Variants in OR51B5 observed in about 807,000 individuals in gnomAD.
OR51B5 encodes the protein olfactory receptor 51B5.
For synonymous variants in OR51B5, 186 were observed against 144.8 expected, an observed-to-expected ratio of 1.28 and a Z score of -2.04; for missense variants, 456 against 374.6, an observed-to-expected ratio of 1.22 and a Z score of -1.79.
chr11:5,422,744 C>A (rs764449533), intron 1 of OR51B5: 1 of 1,613,968 alleles, frequency 6.2e-7, no homozygotes, highest in African/African-American at 1.3e-5. Context: ...CTCCTATTGC[C>A]TCCACCAGGA....
rs745362841 is a variant in OR51B5 at position 5,343,045 on chromosome 11, G to A, written c.480C>T (p.Pro160=). 7 of 1,613,512 alleles carry A rather than the reference G, an allele frequency of 4.3e-6. No individual in the cohort carries two copies. The South Asian group carries it at 5.5e-5, about 13-fold the overall frequency. Residue 160 remains proline, a synonymous_variant, in exon 1 of 1, where the codon CCC becomes CCT. Transcript: ENST00000300773. ...AGTGACAATACAGAAAAAAATAGAG[G>A]GGCCTGATTGGGGGAACAACGGATA...
At chr11:5,461,053 C>T (rs7943179) in intron 1 of OR51B5, among the ~76,000 whole-genome samples, 3,728 of 152,216 alleles carry the variant, frequency 0.024, 126 homozygotes, top group African/African-American at 0.079. Context: ...GATTGCCCTA[C>T]GGCATGGTGG....
chr11:5,342,574 G>C, downstream of OR51B5: 3 of 1,560,852 alleles, frequency 1.9e-6, no homozygotes, highest in Non-Finnish European at 2.6e-6. Context: ...GAGTGACTGT[G>C]ATGATTGGAG....
At chr11:5,357,488 G>C (rs1431484842) in intron 1 of OR51B5, among the ~76,000 whole-genome samples, 2 of 152,100 alleles carry the variant, frequency 1.3e-5, no homozygotes, top group Non-Finnish European at 2.9e-5. Context: ...AGTCCTTAGA[G>C]ACCTACAAAG....
intron 1 of OR51B5, among the ~76,000 whole-genome samples, chr11:5,368,620 C>T (rs1252167890): frequency 1.4e-5 from 2 of 139,492 alleles, no homozygotes; most frequent in Non-Finnish European, 3.2e-5. Context: ...GATATTCTAA[C>T]ATAAAGACTT....
intron 1 of OR51B5, among the ~76,000 whole-genome samples, chr11:5,380,277 G>C (rs1281234587): frequency 6.6e-6 from 1 of 152,192 alleles, no homozygotes; most frequent in Admixed American, 6.5e-5. Context: ...ACAGATGCAG[G>C]TGTCCAGGGA....
At chr11:5,357,177 G>A (rs372293763) in intron 1 of OR51B5, among the ~76,000 whole-genome samples, 10 of 151,960 alleles carry the variant, frequency 6.6e-5, no homozygotes, top group African/African-American at 1.9e-4. Context: ...AGACACAGAC[G>A]GGCAAATTAG....
chr11:5,418,400 T>TAAA (rs1675398281), intron 1 of OR51B5, among the ~76,000 whole-genome samples: 2 of 145,534 alleles, frequency 1.4e-5, no homozygotes, highest in African/African-American at 4.9e-5. Context: ...AAACTTAAAG[T>TAAA]ATAATAATAA....
Position 5,505,629 on chromosome 11 carries a change from T to G in OR51B5, n.24A>C, listed in dbSNP as rs116552913. ...CCAGGAGAAGCAAGTCACATCCTAC[T>G]GGAATGGCAGCAGGCAAAAAGAGAG... On this transcript the variant is annotated non_coding_transcript_exon_variant, in exon 1 of 5. Coordinates refer to the OR51B5 transcript ENST00000415970. 4,396 of 454,874 alleles carry G rather than the reference T, an allele frequency of 9.7e-3. 100 individuals carry two copies. Among genetic ancestry groups the G allele is most frequent in the African/African-American group, 0.062 (2,992 of 47,964 alleles). The allele number at this position is 454,874 out of a possible 1,614,324, so 28.2% of individuals were successfully genotyped here. A position where few individuals can be genotyped will look rare whatever the true frequency, so the allele number is the denominator to read the frequency against.
In OR51B5 at chr11:5,453,759, A is replaced by G. The variant is rs1346822271; in HGVS notation, n.84+51810T>C. The G allele has an allele frequency of 4.3e-6, 7 of 1,614,050 alleles. No individual in the cohort carries two copies. Among genetic ancestry groups the G allele is most frequent in the Non-Finnish European group, 5.9e-6 (7 of 1,180,032 alleles). On this transcript the variant is annotated intron_variant and non_coding_transcript_variant, in intron 1 of 4. Coordinates refer to the OR51B5 transcript ENST00000415970. ...CCGAACCTTCTGCCTCAATGCCCGC[A>G]ACATCACTTTTGATGCCTGTCTAAT...
At chr11:5,471,207 TC>T (rs1298059162) in intron 1 of OR51B5, among the ~76,000 whole-genome samples, 3 of 152,208 alleles carry the variant, frequency 2.0e-5, no homozygotes, top group Non-Finnish European at 2.9e-5. Context: ...TATCTTTGTT[TC>T]CCCAAAAATT....
chr11:5,478,367 C>T (rs1564827006), intron 1 of OR51B5, among the ~76,000 whole-genome samples: 1 of 149,866 alleles, frequency 6.7e-6, no homozygotes, highest in Non-Finnish European at 1.5e-5. Context: ...CTGTACATCA[C>T]CATCATCAAA....
intron 1 of OR51B5, among the ~76,000 whole-genome samples, chr11:5,376,179 C>T (rs1403118120): frequency 6.6e-6 from 1 of 151,934 alleles, no homozygotes; most frequent in African/African-American, 2.4e-5. Context: ...CACTCAACTA[C>T]ATGGAAACTG....
chr11:5,381,119 C>A lies in OR51B5; in HGVS notation n.85-34209G>T, dbSNP rs564594437. On this transcript the variant is annotated intron_variant and non_coding_transcript_variant, in intron 1 of 4. Transcript: ENST00000415970. ...AAGCCAGGCTTTCCACCCCACCATACCCCCACCCCACCTCTCTCTCTCTGT... is the reference window on the plus strand; with the variant it reads ...AAGCCAGGCTTTCCACCCCACCATAACCCCACCCCACCTCTCTCTCTCTGT... Among the ~76,000 whole-genome samples the A allele has an allele frequency of 1.0e-4, 11 of 110,062 alleles. No individual in the cohort carries two copies. The South Asian group carries it at 2.9e-3, about 29-fold the overall frequency. 72.2% of individuals were successfully genotyped at this position (110,062 alleles called of 152,430 possible). A position where few individuals can be genotyped will look rare whatever the true frequency, so the allele number is the denominator to read the frequency against.
At chr11:5,454,557 A>G in intron 1 of OR51B5, 1 of 712,454 alleles carries the variant, frequency 1.4e-6, no homozygotes, top group Non-Finnish European at 2.3e-6. Context: ...TGGTGATGCA[A>G]AACTTATAAC....
chr11:5,363,562 T>C (rs963565181), intron 1 of OR51B5, among the ~76,000 whole-genome samples: 3 of 152,062 alleles, frequency 2.0e-5, no homozygotes, highest in African/African-American at 7.2e-5. Flanking sequence ...CAAGCACAGA[T>C]ACCAAGTTTT....
chr11:5,412,105 T>C (rs1454295848), intron 1 of OR51B5, among the ~76,000 whole-genome samples: 1 of 152,172 alleles, frequency 6.6e-6, no homozygotes, highest in Admixed American at 6.5e-5. Flanking sequence ...CACAGACCTT[T>C]CTCTCCTCCT....
Position 5,377,536 on chromosome 11 carries a change from C to T in OR51B5, n.85-30626G>A, listed in dbSNP as rs534013192. Reference sequence around the variant, plus strand: ...AAGTCAAATTGTCCCTGTTTGCAGACGACATGATTGTATATCTAGAAAACC... The same window carrying T: ...AAGTCAAATTGTCCCTGTTTGCAGATGACATGATTGTATATCTAGAAAACC... On this transcript the variant is annotated intron_variant and non_coding_transcript_variant, in intron 1 of 4. Coordinates refer to the OR51B5 transcript ENST00000415970. Among the ~76,000 whole-genome samples the T allele has an allele frequency of 1.2e-3, 187 of 152,080 alleles. 1 individual carries two copies. Among genetic ancestry groups the T allele is most frequent in the South Asian group, 4.8e-3 (23 of 4,806 alleles).
At chr11:5,418,204 A>T (rs1850270994) in intron 1 of OR51B5, among the ~76,000 whole-genome samples, 1 of 152,150 alleles carries the variant, frequency 6.6e-6, no homozygotes, top group South Asian at 2.1e-4. Context: ...GAATTAAACA[A>T]TGAGAACACA....
Sources: allele counts gnomAD v4.1 joint callset (sites outside exome capture counted in the v4.1 genomes callset), GRCh38; gene constraint gnomAD v4.1.1; transcripts MANE v1.5; gene names NCBI Gene and HGNC (gene_info 2026-07-23, HGNC 2026-07-21).